Variants in AGAP1 observed in about 807,000 individuals in gnomAD.
The protein encoded by AGAP1 is arf-GAP with GTPase, ANK repeat and PH domain-containing protein 1.
AGAP1 carries 29 observed loss-of-function variants against 105.3 expected under a neutral mutation model. That is an observed-to-expected ratio of 0.28 (90% confidence interval 0.21 to 0.38). The LOEUF (loss-of-function observed/expected upper bound fraction) is 0.38. Among genes scored for constraint, AGAP1 ranks in the 10% least tolerant of loss-of-function variants. The probability of loss-of-function intolerance (pLI) is 1.00; values close to 1 mark genes in which losing one functional copy is unlikely to be tolerated. For synonymous variants in AGAP1, 509 were observed against 485.9 expected, an observed-to-expected ratio of 1.05 and a Z score of -0.63; for missense variants, 998 against 1,165.1, an observed-to-expected ratio of 0.86 and a Z score of 2.09.
chr2:235,997,243 C>A (rs2055856914), intron 13 of AGAP1, among the ~76,000 whole-genome samples: 1 of 152,146 alleles, frequency 6.6e-6, no homozygotes, highest in East Asian at 1.9e-4. Flanking sequence ...GCGTGCACCA[C>A]CACGCCTAGC....
At chr2:236,008,095 A>G (rs958220973) in intron 13 of AGAP1, among the ~76,000 whole-genome samples, 20 of 152,236 alleles carry the variant, frequency 1.3e-4, no homozygotes, top group African/African-American at 4.6e-4. Flanking sequence ...CAGTCCTAAC[A>G]TATGTTATGG....
chr2:235,527,828 TC>T (rs1942899006), intron 1 of AGAP1, among the ~76,000 whole-genome samples: 1 of 152,198 alleles, frequency 6.6e-6, no homozygotes, highest in Non-Finnish European at 1.5e-5. Flanking sequence ...CTTTACCTGC[TC>T]CCATTCACAC....
At chr2:235,827,889 G>A (rs908046343) in intron 9 of AGAP1, among the ~76,000 whole-genome samples, 3 of 152,192 alleles carry the variant, frequency 2.0e-5, no homozygotes, top group African/African-American at 4.8e-5. Context: ...TGTGGGGAGA[G>A]GCCCGGAGGG....
rs546294377 is a variant in AGAP1 at position 235,727,606 on chromosome 2, G to A, written c.310+9962G>A. Among the ~76,000 whole-genome samples, 7 of 152,210 alleles carry A rather than the reference G, an allele frequency of 4.6e-5. No individual in the cohort carries two copies. The South Asian group carries it at 1.2e-3, about 27-fold the overall frequency. Reference sequence around the variant, plus strand: ...TCTTTGGAATGTTATACATTGTTTGGATCTTAAAAATGTCAGCTCACAAAA... The same window carrying A: ...TCTTTGGAATGTTATACATTGTTTGAATCTTAAAAATGTCAGCTCACAAAA... On this transcript the variant is annotated intron_variant, in intron 3 of 17. Transcript: ENST00000304032.
chr2:235,931,958 G>A lies in AGAP1; in HGVS notation c.1483+1035G>A, dbSNP rs1257317173. Among the ~76,000 whole-genome samples, 5 of 152,120 alleles carry A rather than the reference G, an allele frequency of 3.3e-5. No homozygotes were observed. Among genetic ancestry groups the A allele is most frequent in the Non-Finnish European group, 5.9e-5 (4 of 68,028 alleles). Reference sequence around the variant, plus strand: ...CCGGCTGGCCCATTCCCATCCCAGCGCCAGGGCTTGCTCCTTCCCTCAAAA... The same window carrying A: ...CCGGCTGGCCCATTCCCATCCCAGCACCAGGGCTTGCTCCTTCCCTCAAAA... On this transcript the variant is annotated intron_variant, in intron 12 of 17. Coordinates refer to ENST00000304032, the MANE Select transcript of AGAP1 (RefSeq NM_001037131.3). This position sits in a 1 kb window ranked among gnomAD's most constrained non-coding sequence, Gnocchi z 5.6.
rs947455297 is a variant in AGAP1 at position 235,716,022 on chromosome 2, G to A, written c.223-1535G>A. Among the ~76,000 whole-genome samples, 1 of 152,204 alleles carries A rather than the reference G, an allele frequency of 6.6e-6. No homozygotes were observed. The highest frequency in any genetic ancestry group is 2.4e-5 in the African/African-American group (1 of 41,458). On this transcript the variant is annotated intron_variant, in intron 2 of 17. Coordinates refer to ENST00000304032, the MANE Select transcript of AGAP1 (RefSeq NM_001037131.3). This position sits in a 1 kb window ranked among gnomAD's most constrained non-coding sequence, Gnocchi z 4.0. ...AGCTAAGTAGGGGCGCCTGGAGCTGGGGTGGACGGCGGCCAGGGGATGCGA... is the reference window on the plus strand; with the variant it reads ...AGCTAAGTAGGGGCGCCTGGAGCTGAGGTGGACGGCGGCCAGGGGATGCGA...
chr2:235,684,600 T>C (rs1372839111), intron 1 of AGAP1, among the ~76,000 whole-genome samples: 1 of 152,190 alleles, frequency 6.6e-6, no homozygotes, highest in East Asian at 1.9e-4. Context: ...GTCTTAGAAA[T>C]GAGTGAGTCT....
intron 9 of AGAP1, among the ~76,000 whole-genome samples, chr2:235,813,403 A>T: frequency 6.6e-6 from 1 of 152,256 alleles, no homozygotes; most frequent in East Asian, 1.9e-4. Flanking sequence ...ATGCTAACAG[A>T]ATGGCGTTTC....
intron 10 of AGAP1, among the ~76,000 whole-genome samples, chr2:235,897,875 TA>T (rs1236576483): frequency 1.3e-4 from 20 of 152,250 alleles, no homozygotes; most frequent in African/African-American, 4.8e-4. Flanking sequence ...GGAAGGTAGG[TA>T]GGGAGGGGCA....
At position 235,792,440 on chromosome 2, in the gene AGAP1, G is replaced by A. The variant is rs1034881300; in HGVS notation, c.674-5319G>A. On this transcript the variant is annotated intron_variant, in intron 6 of 17. Transcript: ENST00000304032. This position sits in a 1 kb window ranked among gnomAD's most constrained non-coding sequence, Gnocchi z 5.3. The stretch of plus-strand genomic sequence containing the variant: ...CCCAAACATGAAAGAGCCCAGTTTT[G>A]CTAAGGAGCTGTTGAAAAACTGGAA... Among the ~76,000 whole-genome samples, 1 of 152,186 alleles carries A rather than the reference G, an allele frequency of 6.6e-6. No individual in the cohort carries two copies. The highest frequency in any genetic ancestry group is 2.4e-5 in the African/African-American group (1 of 41,442).
rs1030952166 is a variant in AGAP1, at chr2:235,625,725, T to C, written c.164-83454T>C. Among the ~76,000 whole-genome samples, 5 of 152,202 alleles carry C rather than the reference T, an allele frequency of 3.3e-5. No homozygotes were observed. Among genetic ancestry groups the C allele is most frequent in the Admixed American group, 6.5e-5 (1 of 15,284 alleles). Reference sequence around the variant, plus strand: ...GAAAATAGTCGTCTGAAATATATTATGGTTTGTTTGTAGCTTCAGCTAGTA... The same window carrying C: ...GAAAATAGTCGTCTGAAATATATTACGGTTTGTTTGTAGCTTCAGCTAGTA... On this transcript the variant is annotated intron_variant, in intron 1 of 17. Transcript: ENST00000304032. This position sits in a 1 kb window ranked among gnomAD's most constrained non-coding sequence, Gnocchi z 4.0.
At chr2:235,805,860 G>A (rs1216860147) in intron 8 of AGAP1, among the ~76,000 whole-genome samples, 1 of 152,134 alleles carries the variant, frequency 6.6e-6, no homozygotes, top group East Asian at 1.9e-4. Context: ...AACCTAAGGG[G>A]GAAACAAGTG....
chr2:235,698,575 T>C (rs529231631), intron 1 of AGAP1, among the ~76,000 whole-genome samples: 1 of 152,354 alleles, frequency 6.6e-6, no homozygotes, highest in South Asian at 2.1e-4. Flanking sequence ...GTTAAAATGT[T>C]TTAAAGCATT....
At chr2:236,077,688 A>G (rs953921207) in intron 16 of AGAP1, among the ~76,000 whole-genome samples, 1 of 152,334 alleles carries the variant, frequency 6.6e-6, no homozygotes, top group Non-Finnish European at 1.5e-5. Flanking sequence ...CCGTCATTAC[A>G]TAGTCATCCC....
At chr2:235,669,049 CAG>C (rs1218518502) in intron 1 of AGAP1, among the ~76,000 whole-genome samples, 4 of 152,106 alleles carry the variant, frequency 2.6e-5, no homozygotes, top group African/African-American at 7.2e-5. Context: ...AAGTTTTGCA[CAG>C]AGGCAGTATC....
chr2:235,941,867 G>A (rs949818979), intron 12 of AGAP1, among the ~76,000 whole-genome samples: 3 of 152,016 alleles, frequency 2.0e-5, no homozygotes, highest in Admixed American at 6.5e-5. Flanking sequence ...TAAGAAGGGC[G>A]GACACTGAAG....
chr2:235,650,540 A>G lies in AGAP1; in HGVS notation c.164-58639A>G, dbSNP rs576728899. On this transcript the variant is annotated intron_variant, in intron 1 of 17. Coordinates refer to ENST00000304032, the MANE Select transcript of AGAP1 (RefSeq NM_001037131.3). ...AGTTCTGGGCACTGGGGATATGGCA[A>G]AGAAGTAAACATAGAAAACATAAAA... Among the ~76,000 whole-genome samples, 10 of 152,200 alleles carry G rather than the reference A, an allele frequency of 6.6e-5. No homozygotes were observed. In the South Asian group the frequency reaches 2.1e-3, roughly 32 times the overall value.
intron 9 of AGAP1, among the ~76,000 whole-genome samples, chr2:235,841,884 C>T (rs185722724): frequency 4.0e-4 from 61 of 152,068 alleles, no homozygotes; most frequent in Admixed American, 1.1e-3. Context: ...TTTCCTCACC[C>T]GTATCCTGCT....
At chr2:235,778,348 C>G (rs1263661026) in intron 6 of AGAP1, among the ~76,000 whole-genome samples, 1 of 152,206 alleles carries the variant, frequency 6.6e-6, no homozygotes, top group Non-Finnish European at 1.5e-5. Flanking sequence ...GTGCAGCCAG[C>G]AGGGAATTTT....
Sources: gnomAD v4.1 joint callset for allele counts (sites outside exome capture counted in the v4.1 genomes callset) on GRCh38, gnomAD v4.1.1 for gene constraint, Gnocchi (gnomAD v3.1) non-coding constraint, MANE v1.5 for transcripts, NCBI Gene and HGNC (gene_info 2026-07-23, HGNC 2026-07-21) for gene names.